The following BTBD19 variants were observed in gnomAD, a reference collection of about 807,000 sequenced individuals.
The protein encoded by BTBD19 is BTB domain containing 19.
BTBD19 carries 20 observed loss-of-function variants against 36.1 expected under a neutral mutation model. The ratio of observed to expected loss-of-function variants is 0.55; its 90% CI spans 0.39 to 0.80. The LOEUF (loss-of-function observed/expected upper bound fraction) is 0.80, where lower values mean the gene tolerates loss of function less well. Ranked by LOEUF, BTBD19 falls within the 30% of genes least tolerant of loss-of-function variation. BTBD19 has a pLI of 0.00. For missense variants in BTBD19, 325 were observed against 389.8 expected, an observed-to-expected ratio of 0.83 and a Z score of 1.40; for synonymous variants, 157 against 174.3, an observed-to-expected ratio of 0.90 and a Z score of 0.78.
In BTBD19 at chr1:44,813,787, T is replaced by C. The variant is rs1202462932; in HGVS notation, c.*15T>C. 8 of 1,551,150 alleles carry C rather than the reference T, an allele frequency of 5.2e-6. No individual in the cohort carries two copies. Among genetic ancestry groups the C allele is most frequent in the Non-Finnish European group, 7.0e-6 (8 of 1,146,816 alleles). Reference sequence around the variant, plus strand: ...CCTTCAAATGATCCAACGCCGGGACTCGCAGGGAGCCCTCGACCCGCCCAG... The same window carrying C: ...CCTTCAAATGATCCAACGCCGGGACCCGCAGGGAGCCCTCGACCCGCCCAG... On this transcript the variant is annotated 3_prime_UTR_variant, in exon 8 of 8. Coordinates refer to ENST00000450269, the Ensembl canonical transcript of BTBD19. The surrounding 1 kb of genome is among the most constrained non-coding windows in gnomAD (Gnocchi z 7.8).
At chr1:44,809,755 G>GCCCCACAC (rs1652312520) in intron 1 of BTBD19, among the ~76,000 whole-genome samples, 1 of 152,172 alleles carries the variant, frequency 6.6e-6, no homozygotes, top group Non-Finnish European at 1.5e-5. Flanking sequence ...TGCACTCTGT[G>GCCCCACAC]CCCCACACCC....
rs773033431 is a variant in BTBD19, at chr1:44,813,917, C to T, written c.*145C>T. On this transcript the variant is annotated 3_prime_UTR_variant, in exon 8 of 8. Transcript: ENST00000450269. The surrounding 1 kb of genome is among the most constrained non-coding windows in gnomAD (Gnocchi z 7.8). ...GGGCGCCGGAAGAACCGTTGTCTGC[C>T]ACGCGCAGCCCCTTGTGCGGGATCA... 5.4e-6 allele frequency: 7 copies of T among 1,290,160 alleles called. No homozygotes were observed. The highest frequency in any genetic ancestry group is 4.2e-5 in the South Asian group (3 of 70,868). 79.9% of individuals were successfully genotyped at this position (1,290,160 alleles called of 1,614,324 possible). A position where few individuals can be genotyped will look rare whatever the true frequency, so the allele number is the denominator to read the frequency against.
At chr1:44,814,012 CG>C (rs1049543415) in exon 8 of BTBD19, 6 of 616,006 alleles carry the variant, frequency 9.7e-6, no homozygotes, top group Middle Eastern at 4.4e-4. Flanking sequence ...GGGTGAAACT[CG>C]AAAACGAGGA....
chr1:44,814,156 TTCTTTC>T (rs759514735), downstream of BTBD19: 2 of 106,612 alleles, frequency 1.9e-5, no homozygotes, highest in Non-Finnish European at 1.8e-5. Flanking sequence ...TTCTCTTTCT[TTCTTTC>T]TTTCTTTCTT....
exon 1 of BTBD19, chr1:44,808,805 C>T (rs1248356303): frequency 2.0e-6 from 3 of 1,533,326 alleles, no homozygotes; most frequent in Non-Finnish European, 2.6e-6. Context: ...TCCTCCACCC[C>T]AACCCCTTCT....
At chr1:44,811,472 C>T (rs59803789) in intron 3 of BTBD19, among the ~76,000 whole-genome samples, 25,096 of 152,094 alleles carry the variant, frequency 0.17, 2,245 homozygotes, top group East Asian at 0.21. Context: ...GAGGGCAAGA[C>T]GAGACTGCAG....
In BTBD19 at chr1:44,810,478, CAGG is replaced by C; in HGVS notation, c.300+55_300+57del. The C allele has an allele frequency of 2.5e-5, 39 of 1,550,784 alleles. No homozygotes were observed. Among genetic ancestry groups the C allele is most frequent in the Non-Finnish European group, 3.3e-5 (38 of 1,146,426 alleles). On this transcript the variant is annotated intron_variant, in intron 2 of 7. Coordinates refer to ENST00000450269, the Ensembl canonical transcript of BTBD19. This position sits in a 1 kb window ranked among gnomAD's most constrained non-coding sequence, Gnocchi z 4.2. ...TGGGAGAGGTGGGGGGTGCCAGAGG[CAGG>C]AGTTTGCCCATTACACTGTGGGCAC... is the stretch of plus-strand genomic sequence containing the variant.
At chr1:44,815,376 T>C (rs1652658024), downstream of BTBD19, 1 of 152,196 alleles carries the variant, frequency 6.6e-6, no homozygotes, top group African/African-American at 2.4e-5. Flanking sequence ...CCTGGAGGTA[T>C]TAGTCCTCTA....
chr1:44,812,081 G>T (rs1045242423), exon 4 of BTBD19: 1 of 1,305,318 alleles, frequency 7.7e-7, no homozygotes. Context: ...TGTGGACTTG[G>T]TTTGTGAGGC....
At chr1:44,811,378 C>T (rs1652407013) in intron 3 of BTBD19, among the ~76,000 whole-genome samples, 1 of 152,026 alleles carries the variant, frequency 6.6e-6, no homozygotes, top group Non-Finnish European at 1.5e-5. Context: ...GATTTTGTTC[C>T]TAGGGGAAGT....
At chr1:44,811,894 T>G in intron 3 of BTBD19, 145 bp from the exon 4 acceptor site, 1 of 536,660 alleles carries the variant, frequency 1.9e-6, no homozygotes, top group Non-Finnish European at 3.3e-6. Context: ...CTCTAGCAAT[T>G]CCCTGCCTCC....
chr1:44,808,624 G>C, exon 1 of BTBD19: 1 of 445,754 alleles, frequency 2.2e-6, no homozygotes, highest in Non-Finnish European at 4.0e-6. Context: ...CCCTGTGTCT[G>C]TTCCTGTCCC....
chr1:44,810,209 A>T lies in BTBD19; in HGVS notation c.87-4A>T. 2 of 1,550,752 alleles carry T rather than the reference A, an allele frequency of 1.3e-6. No homozygotes were observed. Among genetic ancestry groups the T allele is most frequent in the Non-Finnish European group, 1.7e-6 (2 of 1,146,054 alleles). On this transcript the variant is annotated splice_region_variant and splice_polypyrimidine_tract_variant and intron_variant, in intron 1 of 7. Coordinates refer to ENST00000450269, the Ensembl canonical transcript of BTBD19. This position sits in a 1 kb window ranked among gnomAD's most constrained non-coding sequence, Gnocchi z 4.2. ...CCCGCTGCCTCTCTGCCTGTCTCCC[A>T]CAGTGATGTTTGCTTCGTGGTTGGT... is the stretch of plus-strand genomic sequence containing the variant.
At position 44,810,306 on chromosome 1, in the gene BTBD19, GGGCACAGAGCCA is replaced by G. The variant is rs1652340033; in HGVS notation, c.184_195del (p.Thr62_Gly65del). 1 of 1,551,722 alleles carries G rather than the reference GGGCACAGAGCCA, an allele frequency of 6.4e-7. No individual in the cohort carries two copies. The highest frequency in any genetic ancestry group is 1.4e-5 in the African/African-American group (1 of 73,042). Reference sequence around the variant, plus strand: ...GATGCAACTTCTTCCAGCGACTTCTGGGCACAGAGCCAGGCCCCGGGGTGCCCAGTCCTGTGG... The same window carrying G: ...GATGCAACTTCTTCCAGCGACTTCTGGGCCCCGGGGTGCCCAGTCCTGTGG... On this transcript the variant is annotated inframe_deletion, in exon 2 of 8. Transcript: ENST00000450269. This position sits in a 1 kb window ranked among gnomAD's most constrained non-coding sequence, Gnocchi z 4.2.
rs1459577566 is a variant in BTBD19 at position 44,810,639 on chromosome 1, T to C, written c.354+32T>C. On this transcript the variant is annotated intron_variant, in intron 3 of 7. Transcript: ENST00000450269. The surrounding 1 kb of genome is among the most constrained non-coding windows in gnomAD (Gnocchi z 4.2). The stretch of plus-strand genomic sequence containing the variant: ...TTTTGTGCCAGGTCCCTGTCTCATT[T>C]CCCTTGCTTCTCACGGGCTCACTTC... 6.6e-7 allele frequency: 1 copy of C among 1,513,090 alleles called. No individual in the cohort carries two copies. Among genetic ancestry groups the C allele is most frequent in the Admixed American group, 2.1e-5 (1 of 47,956 alleles). The allele number at this position is 1,513,090 out of a possible 1,614,324, so 93.7% of individuals were successfully genotyped here. A position where few individuals can be genotyped will look rare whatever the true frequency, so the allele number is the denominator to read the frequency against.
rs772425762 is a variant in BTBD19, at chr1:44,813,319, G to A, written c.615+50G>A. The A allele has an allele frequency of 1.3e-6, 2 of 1,539,036 alleles. No homozygotes were observed. Among genetic ancestry groups the A allele is most frequent in the Admixed American group, 2.0e-5 (1 of 50,910 alleles). ...GGGCACGGAAGGAGGTGCTGGCCAC[G>A]AGACTGGTGAGCGGGCGGCAGGACA... On this transcript the variant is annotated intron_variant, in intron 6 of 7. Transcript: ENST00000450269. This position sits in a 1 kb window ranked among gnomAD's most constrained non-coding sequence, Gnocchi z 7.8.
At position 44,813,446 on chromosome 1, in the gene BTBD19, C is replaced by A; in HGVS notation, c.688C>A (p.Pro230Thr). 2 of 1,544,988 alleles carry A rather than the reference C, an allele frequency of 1.3e-6. No individual in the cohort carries two copies. The highest frequency in any genetic ancestry group is 1.5e-5 in the African/African-American group (1 of 67,970). Residue 230 changes from proline (P) to threonine (T), a missense_variant, in exon 7 of 8, where the codon CCG becomes ACG. Transcript: ENST00000450269. The surrounding 1 kb of genome is among the most constrained non-coding windows in gnomAD (Gnocchi z 7.8). ...AGAGCTGAGACTAGCCTTGCTGGCC[C>A]CGGCGGAGCTGAGCGCCCTGGAAGA...
rs1416763035 is a variant in BTBD19 at position 44,810,464 on chromosome 1, G to A, written c.300+38G>A. 1 of 1,551,000 alleles carries A rather than the reference G, an allele frequency of 6.4e-7. No homozygotes were observed. The highest frequency in any genetic ancestry group is 2.0e-5 in the Admixed American group (1 of 51,012). ...ACCAGGGGCCTGGGTGGGAGAGGTGGGGGGTGCCAGAGGCAGGAGTTTGCC... is the reference window on the plus strand; with the variant it reads ...ACCAGGGGCCTGGGTGGGAGAGGTGAGGGGTGCCAGAGGCAGGAGTTTGCC... On this transcript the variant is annotated intron_variant, in intron 2 of 7. Transcript: ENST00000450269. This position sits in a 1 kb window ranked among gnomAD's most constrained non-coding sequence, Gnocchi z 4.2.
Position 44,813,891 on chromosome 1 carries a change from C to T in BTBD19, c.*119C>T. The T allele has an allele frequency of 2.1e-6, 3 of 1,435,840 alleles. No homozygotes were observed. The highest frequency in any genetic ancestry group is 2.8e-6 in the Non-Finnish European group (3 of 1,054,578). 88.9% of individuals were successfully genotyped at this position (1,435,840 alleles called of 1,614,324 possible). A position where few individuals can be genotyped will look rare whatever the true frequency, so the allele number is the denominator to read the frequency against. On this transcript the variant is annotated 3_prime_UTR_variant, in exon 8 of 8. Coordinates refer to ENST00000450269, the Ensembl canonical transcript of BTBD19. The surrounding 1 kb of genome is among the most constrained non-coding windows in gnomAD (Gnocchi z 7.8). ...TCCGTTCCCAGCGTGCCCAGTGAGC[C>T]GGGCGCCGGAAGAACCGTTGTCTGC... is the stretch of plus-strand genomic sequence containing the variant.
Sources: gnomAD v4.1 joint callset for allele counts (sites outside exome capture counted in the v4.1 genomes callset) on GRCh38, gnomAD v4.1.1 for gene constraint, Gnocchi (gnomAD v3.1) non-coding constraint, MANE v1.5 for transcripts, NCBI Gene and HGNC (gene_info 2026-07-23, HGNC 2026-07-21) for gene names.